Variants in GALNT18 observed in about 807,000 individuals in gnomAD.
GALNT18 encodes the protein GalNAc-transferase 18.
GALNT18 carries 44 observed loss-of-function variants against 69.5 expected under a neutral mutation model. The observed-to-expected ratio is 0.63, with a 90% CI of 0.50 to 0.81. The LOEUF (loss-of-function observed/expected upper bound fraction) is 0.81. Ranked by LOEUF, GALNT18 falls within the 40% of genes least tolerant of loss-of-function variation. The pLI, the probability that GALNT18 is intolerant of heterozygous loss-of-function variation, is 0.00. For missense variants in GALNT18, 715 were observed against 810.0 expected (o/e 0.88, Z 1.42); for synonymous variants, 364 against 318.2 (o/e 1.14, Z -1.53).
At chr11:11,615,819 G>A (rs1179189708) in intron 1 of GALNT18, among the ~76,000 whole-genome samples, 2 of 152,142 alleles carry the variant, frequency 1.3e-5, no homozygotes, top group South Asian at 4.1e-4. Context: ...TCAGGCCCCA[G>A]ATCAAACCTT....
intron 1 of GALNT18, among the ~76,000 whole-genome samples, chr11:11,472,423 C>G (rs970525636): frequency 1.3e-4 from 20 of 152,264 alleles, no homozygotes; most frequent in Middle Eastern, 3.4e-3. Flanking sequence ...AAAGTCAATT[C>G]AAGATGGGTA....
chr11:11,292,926 C>G (rs1849328393), intron 10 of GALNT18, 103 bp downstream of exon 10: 5 of 1,103,654 alleles, frequency 4.5e-6, no homozygotes, highest in South Asian at 3.3e-5. Flanking sequence ...CAGTCTGTCT[C>G]TCCTTCCCCT....
In GALNT18 at chr11:11,325,860, C is replaced by T. The variant is rs962064319; in HGVS notation, c.1512+1226G>A. On this transcript the variant is annotated intron_variant, in intron 9 of 10. Transcript: ENST00000227756. ...CCAGTAATGTCACAGCAACTCAGTC[C>T]CCAAAAAGGACAAGATGGTAGAGGT... 2.0e-4 allele frequency among the ~76,000 whole-genome samples: 30 copies of T among 152,094 alleles called. No homozygotes were observed. The East Asian group carries it at 4.6e-3, about 24-fold the overall frequency.
intron 9 of GALNT18, among the ~76,000 whole-genome samples, chr11:11,313,448 G>T (rs556253478): frequency 1.2e-4 from 18 of 152,316 alleles, no homozygotes; most frequent in African/African-American, 4.3e-4. Flanking sequence ...AAGGAGAAGA[G>T]TATGCCTGGG....
intron 1 of GALNT18, among the ~76,000 whole-genome samples, chr11:11,560,280 G>A (rs1419591821): frequency 6.6e-6 from 1 of 152,142 alleles, no homozygotes; most frequent in Non-Finnish European, 1.5e-5. Context: ...AATGAGATAT[G>A]ATGGGATAGG....
chr11:11,612,138 GAACAA>G (rs1859920788), intron 1 of GALNT18, among the ~76,000 whole-genome samples: 2 of 151,654 alleles, frequency 1.3e-5, no homozygotes, highest in Non-Finnish European at 2.9e-5. Context: ...GACCTACCTT[GAACAA>G]ACTCTAAGTC....
In GALNT18 at chr11:11,563,579, CT is replaced by C. The variant is rs1858567894; in HGVS notation, c.235+57779del. The stretch of plus-strand genomic sequence containing the variant: ...CAAACAGAGGGCTGTATCATCTCAT[CT>C]GACTATCACTCCATCCTCATGTCAC... On this transcript the variant is annotated intron_variant, in intron 1 of 10. Coordinates refer to ENST00000227756, the MANE Select transcript of GALNT18 (RefSeq NM_198516.3). This position sits in a 1 kb window ranked among gnomAD's most constrained non-coding sequence, Gnocchi z 4.6. Among the ~76,000 whole-genome samples the C allele has an allele frequency of 6.6e-6, 1 of 152,228 alleles. No homozygotes were observed.
At chr11:11,486,830 C>A (rs1856655937) in intron 1 of GALNT18, among the ~76,000 whole-genome samples, 2 of 152,200 alleles carry the variant, frequency 1.3e-5, no homozygotes, top group Non-Finnish European at 2.9e-5. Context: ...ACAGCCAAGA[C>A]CCCCATGTGC....
At chr11:11,304,144 C>A (rs190806563) in intron 9 of GALNT18, among the ~76,000 whole-genome samples, 1 of 152,272 alleles carries the variant, frequency 6.6e-6, no homozygotes, top group African/African-American at 2.4e-5. Flanking sequence ...ACATTTAGGG[C>A]AACTCTCTAG....
intron 3 of GALNT18, among the ~76,000 whole-genome samples, chr11:11,422,755 C>T (rs1403298856): frequency 2.0e-5 from 3 of 151,816 alleles, no homozygotes; most frequent in East Asian, 1.9e-4. Context: ...AGACTCTGGG[C>T]CAAGGGATAA....
In GALNT18 at chr11:11,293,778, G is replaced by T. The variant is rs113797440; in HGVS notation, c.1513-585C>A. ...GCTGGTTTCAAACTCCTGACCTCGT[G>T]ATCTGCCTGCCTTGAATCCATTATT... On this transcript the variant is annotated intron_variant, in intron 9 of 10. Coordinates refer to ENST00000227756, the MANE Select transcript of GALNT18 (RefSeq NM_198516.3). Among the ~76,000 whole-genome samples, 271 of 152,154 alleles carry T rather than the reference G, an allele frequency of 1.8e-3. 1 individual carries two copies. Among genetic ancestry groups the T allele is most frequent in the African/African-American group, 6.3e-3 (260 of 41,518 alleles).
In GALNT18 at chr11:11,583,762, A is replaced by G. The variant is rs1271049500; in HGVS notation, c.235+37597T>C. Among the ~76,000 whole-genome samples, 2 of 152,308 alleles carry G rather than the reference A, an allele frequency of 1.3e-5. No homozygotes were observed. Among genetic ancestry groups the G allele is most frequent in the East Asian group, 3.9e-4 (2 of 5,174 alleles). ...AGCTCCTTTCAGAAAAGCAAAAATCAAACCAGACTTATAGCACTATCGGCC... is the reference window on the plus strand; with the variant it reads ...AGCTCCTTTCAGAAAAGCAAAAATCGAACCAGACTTATAGCACTATCGGCC... On this transcript the variant is annotated intron_variant, in intron 1 of 10. Transcript: ENST00000227756. The surrounding 1 kb of genome is among the most constrained non-coding windows in gnomAD (Gnocchi z 4.7).
At chr11:11,420,639 G>T (rs897423214) in intron 3 of GALNT18, among the ~76,000 whole-genome samples, 1 of 152,242 alleles carries the variant, frequency 6.6e-6, no homozygotes, top group Non-Finnish European at 1.5e-5. Context: ...CCTGTGTTCA[G>T]CTGTAACTAT....
Position 11,396,855 on chromosome 11 carries a change from C to T in GALNT18, c.596-17591G>A, listed in dbSNP as rs1489119403. ...AGGGTCTTGGCTGCCAAAGGAAAGG[C>T]TTTCATTCCAGTCAAAGCAGGGTGC... On this transcript the variant is annotated intron_variant, in intron 3 of 10. Coordinates refer to ENST00000227756, the MANE Select transcript of GALNT18 (RefSeq NM_198516.3). This position sits in a 1 kb window ranked among gnomAD's most constrained non-coding sequence, Gnocchi z 5.2. Among the ~76,000 whole-genome samples the T allele has an allele frequency of 6.6e-6, 1 of 152,074 alleles. No homozygotes were observed. Among genetic ancestry groups the T allele is most frequent in the Non-Finnish European group, 1.5e-5 (1 of 68,010 alleles).
At position 11,590,404 on chromosome 11, in the gene GALNT18, A is replaced by G. The variant is rs1018374789; in HGVS notation, c.235+30955T>C. Among the ~76,000 whole-genome samples the G allele has an allele frequency of 7.9e-5, 12 of 152,174 alleles. No individual in the cohort carries two copies. The highest frequency in any genetic ancestry group is 2.9e-4 in the African/African-American group (12 of 41,448). On this transcript the variant is annotated intron_variant, in intron 1 of 10. Transcript: ENST00000227756. This position sits in a 1 kb window ranked among gnomAD's most constrained non-coding sequence, Gnocchi z 4.4. ...GAACTTCCACATTGCTTGTTGGGTA[A>G]GTGAGGGATATTTTCATTGTACTGG...
At chr11:11,349,699 A>G (rs1246670967) in intron 6 of GALNT18, among the ~76,000 whole-genome samples, 1 of 152,222 alleles carries the variant, frequency 6.6e-6, no homozygotes, top group East Asian at 1.9e-4. Context: ...AACCAGAGCT[A>G]GGCTTTAGTT....
intron 7 of GALNT18, among the ~76,000 whole-genome samples, chr11:11,333,137 A>G (rs1035415700): frequency 6.6e-6 from 1 of 151,808 alleles, no homozygotes; most frequent in Non-Finnish European, 1.5e-5. Flanking sequence ...AGAAATGGGA[A>G]GAATCCATCT....
chr11:11,406,559 C>T (rs4406819), intron 3 of GALNT18, among the ~76,000 whole-genome samples: 30,775 of 152,168 alleles, frequency 0.2, 3,698 homozygotes, highest in East Asian at 0.46. Context: ...ACTATTTCAG[C>T]CATGTTGAAA....
intron 1 of GALNT18, among the ~76,000 whole-genome samples, chr11:11,478,493 C>T (rs1309315340): frequency 1.3e-5 from 2 of 152,204 alleles, no homozygotes; most frequent in African/African-American, 4.8e-5. Context: ...AAGCCGTCCT[C>T]ATGCCCCAAA....
Sources: allele counts gnomAD v4.1 joint callset (sites outside exome capture counted in the v4.1 genomes callset), GRCh38; gene constraint gnomAD v4.1.1; non-coding constraint Gnocchi (gnomAD v3.1); transcripts MANE v1.5; gene names NCBI Gene and HGNC (gene_info 2026-07-23, HGNC 2026-07-21).